ETV1: variants seen among roughly 807,000 people sequenced by gnomAD.
The protein encoded by ETV1 is ETS variant transcription factor 1, also known as ETS translocation variant 1.
ETV1 carries 27 observed loss-of-function variants against 62.3 expected under a neutral mutation model. The observed-to-expected ratio is 0.43, with a 90% CI of 0.32 to 0.60. The LOEUF is 0.60. Among genes scored for constraint, ETV1 ranks in the 20% least tolerant of loss-of-function variants. ETV1 has a pLI of 0.06. For missense variants in ETV1, 605 were observed against 605.8 expected (o/e 1.00, Z 0.01); for synonymous variants, 222 against 199.6 (o/e 1.11, Z -0.94).
At chr7:13,969,706 C>G (rs980505064) in intron 6 of ETV1, among the ~76,000 whole-genome samples, 1 of 152,134 alleles carries the variant, frequency 6.6e-6, no homozygotes, top group African/African-American at 2.4e-5. Flanking sequence ...TGAATACGGA[C>G]TGAAGTAGAA....
chr7:13,900,298 A>G (rs1263507236), intron 13 of ETV1: 2 of 153,520 alleles, frequency 1.3e-5, no homozygotes, highest in Admixed American at 6.5e-5. Flanking sequence ...GAGGCAAGGA[A>G]GAAAATGTTT....
intron 9 of ETV1, among the ~76,000 whole-genome samples, chr7:13,930,544 A>T (rs1785975510): frequency 6.6e-6 from 1 of 151,758 alleles, no homozygotes; most frequent in African/African-American, 2.4e-5. Flanking sequence ...GATGGTCTCA[A>T]TCTCCTGACC....
intron 11 of ETV1, among the ~76,000 whole-genome samples, chr7:13,907,212 C>A (rs984019404): frequency 6.6e-6 from 1 of 152,104 alleles, no homozygotes; most frequent in African/African-American, 2.4e-5. Flanking sequence ...ACTGCATTAT[C>A]GTAGTACTAC....
intron 6 of ETV1, among the ~76,000 whole-genome samples, chr7:13,942,116 C>T (rs1440439362): frequency 6.7e-6 from 1 of 149,844 alleles, no homozygotes; most frequent in Non-Finnish European, 1.5e-5. Context: ...CTCCACCTCC[C>T]GGGTTCACGC....
At position 13,919,632 on chromosome 7, in the gene ETV1, T is replaced by C. The variant is rs75265713; in HGVS notation, c.803-8325A>G. On this transcript the variant is annotated intron_variant, in intron 9 of 13. Coordinates refer to ENST00000430479, the MANE Select transcript of ETV1 (RefSeq NM_004956.5). ...AAGAACAATAACCATCTATTTAATC[T>C]GATAAAAATTCCTTGAAAATTTTTT... is the stretch of plus-strand genomic sequence containing the variant. 6.3e-3 allele frequency among the ~76,000 whole-genome samples: 948 copies of C among 150,738 alleles called. 7 individuals are homozygous for C. The highest frequency in any genetic ancestry group is 0.022 in the African/African-American group (906 of 40,982).
At chr7:13,905,787 C>A (rs138060781) in intron 12 of ETV1, among the ~76,000 whole-genome samples, 205 of 152,246 alleles carry the variant, frequency 1.3e-3, no homozygotes, top group African/African-American at 4.5e-3. Flanking sequence ...TCCCAACCTT[C>A]CAATGGAGTA....
At chr7:13,933,533 T>C (rs1046411943) in intron 8 of ETV1, among the ~76,000 whole-genome samples, 1 of 151,760 alleles carries the variant, frequency 6.6e-6, no homozygotes, top group African/African-American at 2.4e-5. Context: ...AGGAGCAGAG[T>C]GAGGCTGAGG....
chr7:13,938,450 G>T (rs1284991454), intron 7 of ETV1, among the ~76,000 whole-genome samples: 1 of 151,232 alleles, frequency 6.6e-6, no homozygotes, highest in Non-Finnish European at 1.5e-5. Flanking sequence ...CTGTAATTGA[G>T]AGTGATAATA....
At chr7:13,951,920 C>T (rs953004636) in intron 6 of ETV1, among the ~76,000 whole-genome samples, 2 of 152,072 alleles carry the variant, frequency 1.3e-5, no homozygotes, top group Non-Finnish European at 2.9e-5. Context: ...ATACAGAAGA[C>T]AAACAGACTC....
intron 9 of ETV1, among the ~76,000 whole-genome samples, chr7:13,915,133 GT>G (rs1784010645): frequency 6.6e-6 from 1 of 152,150 alleles, no homozygotes; most frequent in Non-Finnish European, 1.5e-5. Context: ...GTATTTTAAT[GT>G]GGTTTTGCTT....
chr7:13,905,956 C>T (rs557069138), intron 12 of ETV1, among the ~76,000 whole-genome samples: 2 of 152,266 alleles, frequency 1.3e-5, no homozygotes, highest in South Asian at 4.1e-4. Flanking sequence ...TTCTTTTGAA[C>T]ATAACTTTGG....
chr7:13,939,095 T>A lies in ETV1; in HGVS notation c.365+22A>T, dbSNP rs755478127. 3 of 1,606,804 alleles carry A rather than the reference T, an allele frequency of 1.9e-6. No homozygotes were observed. In the African/African-American group the frequency reaches 4.0e-5, roughly 22 times the overall value. On this transcript the variant is annotated intron_variant, in intron 7 of 13. Coordinates refer to ENST00000430479, the MANE Select transcript of ETV1 (RefSeq NM_004956.5). ...ATTCAATAAGAACCACTATCCTACA[T>A]ACATACACCTGGTGGCTTTACCTGA... is the stretch of plus-strand genomic sequence containing the variant.
intron 6 of ETV1, among the ~76,000 whole-genome samples, chr7:13,942,916 A>G (rs543149809): frequency 6.6e-6 from 1 of 152,280 alleles, no homozygotes; most frequent in South Asian, 2.1e-4. Context: ...GAGTACCATG[A>G]AGTAGGAAAA....
At chr7:13,935,020 C>T (rs1214068926) in intron 8 of ETV1, among the ~76,000 whole-genome samples, 1 of 152,068 alleles carries the variant, frequency 6.6e-6, no homozygotes, top group Admixed American at 6.5e-5. Context: ...CATCTCAGAA[C>T]CTCTACAGGT....
At chr7:13,956,903 A>G (rs960080179) in intron 6 of ETV1, among the ~76,000 whole-genome samples, 1 of 151,688 alleles carries the variant, frequency 6.6e-6, no homozygotes. Context: ...TTTTTAAAAG[A>G]CTCCAAGAAA....
intron 6 of ETV1, among the ~76,000 whole-genome samples, chr7:13,956,609 G>C (rs1789491395): frequency 6.6e-6 from 1 of 152,232 alleles, no homozygotes. Flanking sequence ...TAACTAGGTA[G>C]CAGTGGTGTA....
In ETV1 at chr7:13,941,210, T is replaced by C. The variant is rs528551104; in HGVS notation, c.236-1964A>G. Among the ~76,000 whole-genome samples, 32 of 152,348 alleles carry C rather than the reference T, an allele frequency of 2.1e-4. 1 individual carries two copies. Among genetic ancestry groups the C allele is most frequent in the Non-Finnish European group, 4.0e-4 (27 of 68,024 alleles). ...AATTATGAGGACTTGAATTCTGATTTGAACAAACCAACTATAAAAAGACAA... is the reference window on the plus strand; with the variant it reads ...AATTATGAGGACTTGAATTCTGATTCGAACAAACCAACTATAAAAAGACAA... On this transcript the variant is annotated intron_variant, in intron 6 of 13. Transcript: ENST00000430479.
In ETV1 at chr7:13,988,608, A is replaced by AG. The variant is rs1782775660; in HGVS notation, c.45+399_45+400insC. The AG allele has an allele frequency of 9.5e-6, 12 of 1,259,834 alleles. 1 individual carries two copies. The highest frequency in any genetic ancestry group is 5.7e-5 in the South Asian group (3 of 53,088). 78.0% of individuals were successfully genotyped at this position (1,259,834 alleles called of 1,614,324 possible). On this transcript the variant is annotated intron_variant, in intron 3 of 13. Coordinates refer to ENST00000430479, the MANE Select transcript of ETV1 (RefSeq NM_004956.5). ...GAGTAGAGAAATGAAAAAAAAAAAA[A>AG]AGAGAAAATGAGAAAAAAAAAAGAA...
chr7:13,909,488 G>A, intron 11 of ETV1, 144 bp downstream of exon 11: 1 of 660,032 alleles, frequency 1.5e-6, no homozygotes, highest in Admixed American at 2.7e-5. Flanking sequence ...AATTGTAATA[G>A]GTCAACGTTG....
Sources: gnomAD v4.1 joint callset for allele counts (sites outside exome capture counted in the v4.1 genomes callset) on GRCh38, gnomAD v4.1.1 for gene constraint, MANE v1.5 for transcripts, NCBI Gene and HGNC (gene_info 2026-07-23, HGNC 2026-07-21) for gene names.